TSNARE1: variants seen among roughly 807,000 people sequenced by gnomAD.
TSNARE1 encodes the protein t-SNARE domain containing 1.
TSNARE1 carries 49 observed loss-of-function variants against 62.0 expected under a neutral mutation model. The ratio of observed to expected loss-of-function variants is 0.79; its 90% confidence interval spans 0.63 to 1.00. TSNARE1 has a LOEUF of 1.00. Ranked by LOEUF, TSNARE1 falls within the 50% of genes least tolerant of loss-of-function variation. The pLI is 0.00. For missense variants in TSNARE1, 755 were observed against 700.1 expected, an observed-to-expected ratio of 1.08 and a Z score of -0.88; for synonymous variants, 328 against 294.4, an observed-to-expected ratio of 1.11 and a Z score of -1.17.
chr8:142,280,354 G>T (rs1274949863), intron 11 of TSNARE1: 3 of 982,324 alleles, frequency 3.1e-6, no homozygotes, highest in Non-Finnish European at 3.6e-6. Flanking sequence ...TGAGCAGGGG[G>T]CAGAGACCCT....
At chr8:142,228,448 TG>T (rs1816940309) in intron 13 of TSNARE1, among the ~76,000 whole-genome samples, 1 of 152,234 alleles carries the variant, frequency 6.6e-6, no homozygotes, top group Admixed American at 6.5e-5. Flanking sequence ...CATTCCTCCC[TG>T]CCTACAGGAG....
intron 1 of TSNARE1, among the ~76,000 whole-genome samples, chr8:142,377,479 C>A (rs1319747982): frequency 6.6e-6 from 1 of 152,170 alleles, no homozygotes; most frequent in Non-Finnish European, 1.5e-5. Flanking sequence ...GGCCCTCCTA[C>A]AAATTCATTT....
At chr8:142,292,132 C>T (rs987506367) in intron 10 of TSNARE1, among the ~76,000 whole-genome samples, 6 of 152,082 alleles carry the variant, frequency 3.9e-5, no homozygotes, top group African/African-American at 9.7e-5. Flanking sequence ...CGTGGAGCTC[C>T]AGCCGAGATC....
intron 12 of TSNARE1, among the ~76,000 whole-genome samples, chr8:142,265,073 A>G (rs1819064014): frequency 6.6e-6 from 1 of 151,780 alleles, no homozygotes; most frequent in African/African-American, 2.4e-5. Context: ...ATATACTCTA[A>G]TACTCTTAGG....
chr8:142,225,211 A>C (rs1036434006), intron 13 of TSNARE1, among the ~76,000 whole-genome samples: 8 of 57,868 alleles, frequency 1.4e-4, no homozygotes, highest in East Asian at 4.9e-4. Flanking sequence ...CCTCACTCCC[A>C]CCCTCCACGG....
At chr8:142,303,273 G>A (rs1479722092) in intron 9 of TSNARE1, among the ~76,000 whole-genome samples, 2 of 152,150 alleles carry the variant, frequency 1.3e-5, no homozygotes, top group African/African-American at 4.8e-5. Flanking sequence ...CTCCTGGGGA[G>A]GCCTCCCGGG....
chr8:142,332,764 A>G (rs1004561364), intron 4 of TSNARE1, among the ~76,000 whole-genome samples: 5 of 152,110 alleles, frequency 3.3e-5, no homozygotes, highest in Non-Finnish European at 7.4e-5. Flanking sequence ...AGCAGAGCAC[A>G]CATCAAAGCA....
intron 1 of TSNARE1, among the ~76,000 whole-genome samples, chr8:142,358,639 C>A (rs542854707): frequency 1.3e-5 from 2 of 152,078 alleles, no homozygotes; most frequent in South Asian, 4.1e-4. Flanking sequence ...GGCTAACCCA[C>A]GGTCAGGGCC....
chr8:142,281,430 G>A (rs1244335930), intron 11 of TSNARE1, among the ~76,000 whole-genome samples: 1 of 151,960 alleles, frequency 6.6e-6, no homozygotes, highest in Non-Finnish European at 1.5e-5. Context: ...TGGGAGGGGG[G>A]CAAGGTCAGC....
chr8:142,269,046 C>T (rs926792666), intron 12 of TSNARE1, among the ~76,000 whole-genome samples: 3 of 152,246 alleles, frequency 2.0e-5, no homozygotes, highest in African/African-American at 2.4e-5. Flanking sequence ...CTGTAGCACA[C>T]GCTAAGCTCT....
At chr8:142,284,155 G>A (rs892595167) in intron 11 of TSNARE1, among the ~76,000 whole-genome samples, 1 of 150,712 alleles carries the variant, frequency 6.6e-6, no homozygotes, top group Non-Finnish European at 1.5e-5. Context: ...TGAGCAGAGT[G>A]GGGGCCAGTG....
intron 2 of TSNARE1, among the ~76,000 whole-genome samples, chr8:142,353,887 G>A (rs1273486802): frequency 4.7e-5 from 5 of 106,278 alleles, no homozygotes; most frequent in African/African-American, 2.1e-4. Flanking sequence ...GGCTGAGCCC[G>A]AGGCCTGGCA....
At chr8:142,362,587 C>T (rs989220725) in intron 1 of TSNARE1, among the ~76,000 whole-genome samples, 4 of 152,056 alleles carry the variant, frequency 2.6e-5, no homozygotes, top group South Asian at 4.2e-4. Context: ...CACACTAGGC[C>T]GAGATCAAGT....
At chr8:142,230,709 C>G (rs1007256151) in intron 12 of TSNARE1, among the ~76,000 whole-genome samples, 1 of 152,004 alleles carries the variant, frequency 6.6e-6, no homozygotes, top group Non-Finnish European at 1.5e-5. Context: ...AGGATGAGTC[C>G]CCTCGGTTAC....
intron 9 of TSNARE1, among the ~76,000 whole-genome samples, chr8:142,300,923 C>G (rs939833092): frequency 6.6e-6 from 1 of 152,148 alleles, no homozygotes; most frequent in Non-Finnish European, 1.5e-5. Flanking sequence ...GGTGTAGGGG[C>G]CCGGGAGCAC....
chr8:142,240,200 C>T (rs1327161852), intron 12 of TSNARE1, among the ~76,000 whole-genome samples: 1 of 152,120 alleles, frequency 6.6e-6, no homozygotes, highest in Non-Finnish European at 1.5e-5. Context: ...TGGGATAGTC[C>T]TGTTAAGAGC....
At chr8:142,344,576 G>A (rs1833100200) in intron 3 of TSNARE1, 104 bp from the exon 4 acceptor site, 4 of 1,234,122 alleles carry the variant, frequency 3.2e-6, no homozygotes, top group Non-Finnish European at 4.3e-6. Flanking sequence ...TCTGCTTCAG[G>A]ACACGGCTGC....
chr8:142,227,416 A>G (rs1194326260), intron 13 of TSNARE1, among the ~76,000 whole-genome samples: 2 of 55,514 alleles, frequency 3.6e-5, no homozygotes, highest in Non-Finnish European at 1.2e-4. Flanking sequence ...CAGGAGCCCC[A>G]ACCTGCCCAC....
chr8:142,375,012 T>C (rs903551793), intron 1 of TSNARE1, among the ~76,000 whole-genome samples: 1 of 152,218 alleles, frequency 6.6e-6, no homozygotes, highest in African/African-American at 2.4e-5. Context: ...ACAGGCTTGC[T>C]GGAAAGACCC....
Sources: allele counts gnomAD v4.1 joint callset (sites outside exome capture counted in the v4.1 genomes callset), GRCh38; gene constraint gnomAD v4.1.1; transcripts MANE v1.5; gene names NCBI Gene and HGNC (gene_info 2026-07-23, HGNC 2026-07-21).